Variants in AEBP2 observed in about 807,000 individuals in gnomAD.
The protein encoded by AEBP2 is zinc finger protein AEBP2.
AEBP2 carries 10 observed loss-of-function variants against 50.8 expected under a neutral mutation model. The observed-to-expected ratio is 0.20, with a 90% CI of 0.12 to 0.33. The LOEUF (loss-of-function observed/expected upper bound fraction) is 0.33, where lower values mean the gene tolerates loss of function less well. Among genes scored for constraint, AEBP2 ranks in the 10% least tolerant of loss-of-function variants. The pLI, the probability that AEBP2 is intolerant of heterozygous loss-of-function variation, is 1.00. For synonymous variants in AEBP2, 296 were observed against 261.3 expected (o/e 1.13, Z -1.28); for missense variants, 570 against 688.0 (o/e 0.83, Z 1.92).
chr12:19,441,052 A>G (rs1189246469), intron 1 of AEBP2, among the ~76,000 whole-genome samples: 1 of 152,236 alleles, frequency 6.6e-6, no homozygotes. Context: ...ATGGCCTTTT[A>G]AGATAACTTT....
At chr12:19,494,602 A>G (rs1406464060) in intron 4 of AEBP2, among the ~76,000 whole-genome samples, 1 of 151,280 alleles carries the variant, frequency 6.6e-6, no homozygotes, top group Admixed American at 6.6e-5. Flanking sequence ...GCTGGTCTCA[A>G]ACTCCCGACC....
In AEBP2 at chr12:19,439,761, C is replaced by T. The variant is rs1947909584; in HGVS notation, c.62C>T (p.Pro21Leu). 2.6e-6 allele frequency: 4 copies of T among 1,516,992 alleles called. No individual in the cohort carries two copies. The highest frequency in any genetic ancestry group is 2.4e-5 in the South Asian group (2 of 83,236). The allele number at this position is 1,516,992 out of a possible 1,614,324, so 94.0% of individuals were successfully genotyped here. A position where few individuals can be genotyped will look rare whatever the true frequency, so the allele number is the denominator to read the frequency against. Residue 21 changes from proline (P) to leucine (L), a missense_variant, in exon 1 of 8, where the codon CCC (proline) becomes CTC (leucine). Pro to Leu is a moderately conservative substitution (Grantham distance 98, BLOSUM62 -3). Coordinates refer to ENST00000266508, the MANE Select transcript of AEBP2 (RefSeq NM_153207.5). ...GAGCTCTCCCGCCTGAGCCCTCTGCCCCCCGGCAGCCCGGGTTCGGCGGCG... is the reference window on the plus strand; with the variant it reads ...GAGCTCTCCCGCCTGAGCCCTCTGCTCCCCGGCAGCCCGGGTTCGGCGGCG... ...LEELSRLSPL[P>L]PGSPGSAARG...
chr12:19,439,510 C>G lies in AEBP2; in HGVS notation c.-190C>G, dbSNP rs894116397. Among the ~76,000 whole-genome samples the G allele has an allele frequency of 1.9e-4, 29 of 152,106 alleles. No homozygotes were observed. Among genetic ancestry groups the G allele is most frequent in the Middle Eastern group, 3.4e-3 (1 of 292 alleles). ...GCGCAGCAGTCTCCGTGTGAGTGCG[C>G]GTAGTCGCGCGCCTGTCCCCGCGCG... On this transcript the variant is annotated 5_prime_UTR_variant, in exon 1 of 8. Transcript: ENST00000266508.
In AEBP2 at chr12:19,500,231, C is replaced by G. The variant is rs149646539; in HGVS notation, c.1299+10C>G. ...TGTTTTTCATAGTACTGTAAGTATT[C>G]TTTTATTTTTTCAAATTAAATATAA... On this transcript the variant is annotated intron_variant, in intron 5 of 7. Coordinates refer to ENST00000266508, the MANE Select transcript of AEBP2 (RefSeq NM_153207.5). 2.2e-3 allele frequency: 3,213 copies of G among 1,439,292 alleles called. 25 individuals are homozygous for G. The highest frequency in any genetic ancestry group is 2.2e-3 in the Non-Finnish European group (2,397 of 1,089,580). The allele number at this position is 1,439,292 out of a possible 1,614,324, so 89.2% of individuals were successfully genotyped here.
intron 5 of AEBP2, chr12:19,508,959 A>G (rs1592781925): frequency 1.9e-5 from 9 of 476,094 alleles, no homozygotes; most frequent in South Asian, 1.8e-4. Flanking sequence ...GCCTCTAACA[A>G]AACAAGTCTG....
chr12:19,498,354 T>C (rs1949018072), intron 4 of AEBP2, among the ~76,000 whole-genome samples: 3 of 152,228 alleles, frequency 2.0e-5, no homozygotes, highest in Admixed American at 2.0e-4. Context: ...CACTGCCTTC[T>C]TAGTCTTTTG....
intron 1 of AEBP2, among the ~76,000 whole-genome samples, chr12:19,442,968 A>G (rs1414170628): frequency 1.3e-5 from 2 of 152,160 alleles, no homozygotes; most frequent in African/African-American, 2.4e-5. Flanking sequence ...GCTCTATAAC[A>G]TTTTTAGGCA....
intron 1 of AEBP2, among the ~76,000 whole-genome samples, chr12:19,462,198 T>C (rs1232412146): frequency 2.0e-5 from 3 of 152,164 alleles, no homozygotes; most frequent in Admixed American, 6.5e-5. Context: ...TGAGATGTGA[T>C]AAGCTGTGTG....
chr12:19,458,046 A>G (rs1001414226), intron 1 of AEBP2, among the ~76,000 whole-genome samples: 3 of 152,194 alleles, frequency 2.0e-5, no homozygotes. Flanking sequence ...GTGTGAAAAA[A>G]TTTAACATAT....
chr12:19,416,132 C>T (rs932778667), intron 1 of AEBP2, among the ~76,000 whole-genome samples: 1 of 152,100 alleles, frequency 6.6e-6, no homozygotes, highest in African/African-American at 2.4e-5. Flanking sequence ...CAGTGAGCCA[C>T]GATAGCGTTG....
intron 1 of AEBP2, chr12:19,440,788 C>T (rs1947943105): frequency 6.5e-7 from 1 of 1,529,072 alleles, no homozygotes; most frequent in Non-Finnish European, 8.8e-7. Flanking sequence ...CAAGTGTTTC[C>T]AATATGGCTG....
In AEBP2 at chr12:19,521,517, TA is replaced by T. The variant is rs1949398921; in HGVS notation, c.*3404del. On this transcript the variant is annotated 3_prime_UTR_variant, in exon 8 of 8. Transcript: ENST00000266508. ...CTTAAGGTGGAAATAGTGTAAAATT[TA>T]AAATTTTTTATATTTCTAATAAACT... 1.3e-5 allele frequency: 2 copies of T among 152,144 alleles called. No individual in the cohort carries two copies. Among genetic ancestry groups the T allele is most frequent in the Admixed American group, 1.3e-4 (2 of 15,264 alleles). The allele number at this position is 152,144 out of a possible 1,614,324, so 9.4% of individuals were successfully genotyped here.
At chr12:19,421,700 G>C (rs1253899569) in intron 1 of AEBP2, among the ~76,000 whole-genome samples, 1 of 152,204 alleles carries the variant, frequency 6.6e-6, no homozygotes, top group African/African-American at 2.4e-5. Context: ...TCACATAGCA[G>C]GGGGGCCTGG....
chr12:19,409,737 CT>C (rs2153363092), intron 1 of AEBP2, among the ~76,000 whole-genome samples: 1 of 152,326 alleles, frequency 6.6e-6, no homozygotes, highest in Non-Finnish European at 1.5e-5. Flanking sequence ...ATCAGACCAG[CT>C]TAGTGGAAGG....
At chr12:19,426,723 G>T (rs886068821) in intron 1 of AEBP2, among the ~76,000 whole-genome samples, 1 of 152,120 alleles carries the variant, frequency 6.6e-6, no homozygotes, top group Non-Finnish European at 1.5e-5. Context: ...GGCCAACATG[G>T]TGAAACCCCA....
At chr12:19,492,618 A>G (rs977909572) in intron 3 of AEBP2, among the ~76,000 whole-genome samples, 10 of 152,038 alleles carry the variant, frequency 6.6e-5, no homozygotes, top group Non-Finnish European at 1.3e-4. Flanking sequence ...ATTTATTTTT[A>G]AAATATTAAA....
chr12:19,412,562 G>C (rs1257887669), intron 1 of AEBP2, among the ~76,000 whole-genome samples: 2 of 151,956 alleles, frequency 1.3e-5, no homozygotes, highest in Non-Finnish European at 2.9e-5. Context: ...ACAGGTGTGA[G>C]CCACTGCACC....
rs1004435807 is a variant in AEBP2, at chr12:19,462,720, T to C, written c.879+3T>C. ...ATGTAGATGGTCAGCGAGGAGGGGT[T>C]GGTTTTGTCATTTCTTTTTTTCGCT... is the stretch of plus-strand genomic sequence containing the variant. On this transcript the variant is annotated splice_donor_region_variant and intron_variant, in intron 2 of 7. Coordinates refer to ENST00000266508, the MANE Select transcript of AEBP2 (RefSeq NM_153207.5). 1.9e-6 allele frequency: 3 copies of C among 1,573,538 alleles called. No individual in the cohort carries two copies. The African/African-American group carries it at 4.0e-5, about 21-fold the overall frequency.
At chr12:19,475,581 T>C (rs1246915540) in intron 3 of AEBP2, among the ~76,000 whole-genome samples, 1 of 152,152 alleles carries the variant, frequency 6.6e-6, no homozygotes, top group Non-Finnish European at 1.5e-5. Context: ...ATAATGACTT[T>C]TTCCCAGTGT....
Sources: allele counts gnomAD v4.1 joint callset (sites outside exome capture counted in the v4.1 genomes callset), GRCh38; gene constraint gnomAD v4.1.1; transcripts MANE v1.5; gene names NCBI Gene and HGNC (gene_info 2026-07-23, HGNC 2026-07-21).